Variants in PBX1 observed in about 807,000 individuals in gnomAD.
PBX1 encodes PBX homeobox 1, also known as pre-B-cell leukemia transcription factor 1.
PBX1 carries 6 observed loss-of-function variants against 53.4 expected under a neutral mutation model. The observed-to-expected ratio is 0.11, with a 90% CI of 0.06 to 0.22. The LOEUF (loss-of-function observed/expected upper bound fraction) is 0.22, where lower values mean the gene tolerates loss of function less well. Ranked by LOEUF, PBX1 falls within the 10% of genes least tolerant of loss-of-function variation. The pLI is 1.00. For missense variants in PBX1, 251 were observed against 551.4 expected, an observed-to-expected ratio of 0.46 and a Z score of 5.46; for synonymous variants, 204 against 212.3, an observed-to-expected ratio of 0.96 and a Z score of 0.34.
At chr1:164,727,263 A>G (rs1571296758) in intron 2 of PBX1, among the ~76,000 whole-genome samples, 1 of 152,236 alleles carries the variant, frequency 6.6e-6, no homozygotes, top group African/African-American at 2.4e-5. Flanking sequence ...TTATGATCTA[A>G]GAAAATCTCT....
chr1:164,724,900 T>C (rs1162015452), intron 2 of PBX1, among the ~76,000 whole-genome samples: 1 of 152,062 alleles, frequency 6.6e-6, no homozygotes, highest in East Asian at 1.9e-4. Flanking sequence ...TTACATAACT[T>C]GCGGAGTGTT....
intron 2 of PBX1, among the ~76,000 whole-genome samples, chr1:164,757,419 G>A (rs1290967554): frequency 6.6e-6 from 1 of 152,076 alleles, no homozygotes; most frequent in Non-Finnish European, 1.5e-5. Flanking sequence ...ACTCACTGAC[G>A]ATTCACATTT....
At chr1:164,750,966 C>G (rs1666179681) in intron 2 of PBX1, among the ~76,000 whole-genome samples, 1 of 152,058 alleles carries the variant, frequency 6.6e-6, no homozygotes, top group Non-Finnish European at 1.5e-5. Context: ...GTCTAGGGAT[C>G]CCCAACATTT....
chr1:164,561,460 G>T (rs1653038193), intron 1 of PBX1, among the ~76,000 whole-genome samples: 1 of 152,064 alleles, frequency 6.6e-6, no homozygotes, highest in African/African-American at 2.4e-5. Flanking sequence ...AAATTAATTG[G>T]TGCTCTCTTT....
intron 8 of PBX1, among the ~76,000 whole-genome samples, chr1:164,834,379 T>C (rs1441659976): frequency 1.3e-5 from 2 of 150,680 alleles, no homozygotes; most frequent in Non-Finnish European, 3.0e-5. Context: ...AGTCTCACTC[T>C]GTCACCCAGG....
At chr1:164,615,850 C>T (rs1177134938) in intron 2 of PBX1, among the ~76,000 whole-genome samples, 2 of 152,194 alleles carry the variant, frequency 1.3e-5, no homozygotes, top group Non-Finnish European at 2.9e-5. Flanking sequence ...TACAGGCCTT[C>T]TGTGAATGAC....
At chr1:164,733,600 T>A (rs1319854264) in intron 2 of PBX1, among the ~76,000 whole-genome samples, 1 of 152,198 alleles carries the variant, frequency 6.6e-6, no homozygotes, top group Non-Finnish European at 1.5e-5. Context: ...TACTATGTAG[T>A]ATGTTTTTGT....
At chr1:164,698,360 C>T (rs12143203) in intron 2 of PBX1, among the ~76,000 whole-genome samples, 64,646 of 151,932 alleles carry the variant, frequency 0.43, 14,637 homozygotes, top group Middle Eastern at 0.55. Flanking sequence ...CATATCAAAG[C>T]AATTTCGTAC....
At chr1:164,591,964 A>G (rs1485464179) in intron 2 of PBX1, among the ~76,000 whole-genome samples, 3 of 152,052 alleles carry the variant, frequency 2.0e-5, no homozygotes, top group African/African-American at 7.2e-5. Flanking sequence ...TAGACTTTCC[A>G]CCTCCCCTGT....
chr1:164,745,370 T>G (rs534815251), intron 2 of PBX1, among the ~76,000 whole-genome samples: 31 of 152,212 alleles, frequency 2.0e-4, no homozygotes, highest in Admixed American at 9.2e-4. Flanking sequence ...TCTATATAAC[T>G]GTTATAGATA....
At chr1:164,570,327 T>C (rs1557866026) in intron 2 of PBX1, among the ~76,000 whole-genome samples, 1 of 152,108 alleles carries the variant, frequency 6.6e-6, no homozygotes, top group Non-Finnish European at 1.5e-5. Flanking sequence ...TCATCTACAT[T>C]AGGTGTTTCT....
intron 2 of PBX1, among the ~76,000 whole-genome samples, chr1:164,743,247 C>T (rs771349262): frequency 3.3e-5 from 5 of 152,016 alleles, no homozygotes; most frequent in Non-Finnish European, 7.4e-5. Context: ...CTCTATTGGC[C>T]TGTTTTGTTC....
chr1:164,581,450 A>T (rs1432393029), intron 2 of PBX1, among the ~76,000 whole-genome samples: 1 of 150,962 alleles, frequency 6.6e-6, no homozygotes, highest in African/African-American at 2.4e-5. Flanking sequence ...CTGGTCTCAA[A>T]CTCCTGACCT....
chr1:164,647,846 G>T (rs111762955), intron 2 of PBX1, among the ~76,000 whole-genome samples: 3,717 of 138,688 alleles, frequency 0.027, 163 homozygotes, highest in African/African-American at 0.095. Context: ...ACAGAGTCTT[G>T]CTCAGTCGCC....
intron 2 of PBX1, among the ~76,000 whole-genome samples, chr1:164,696,961 C>G (rs566006891): frequency 6.6e-6 from 1 of 152,202 alleles, no homozygotes; most frequent in East Asian, 1.9e-4. Context: ...AATTTGTGTT[C>G]TATATCCTTT....
chr1:164,710,253 T>C (rs1663675965), intron 2 of PBX1, among the ~76,000 whole-genome samples: 1 of 152,174 alleles, frequency 6.6e-6, no homozygotes, highest in Non-Finnish European at 1.5e-5. Context: ...GGAATTTCTT[T>C]TAGATTCATA....
At position 164,847,946 on chromosome 1, in the gene PBX1, C is replaced by A; in HGVS notation, c.*1270C>A. The A allele has an allele frequency of 1.9e-6, 2 of 1,052,498 alleles. No homozygotes were observed. Among genetic ancestry groups the A allele is most frequent in the Non-Finnish European group, 2.3e-6 (2 of 871,276 alleles). The allele number at this position is 1,052,498 out of a possible 1,614,324, so 65.2% of individuals were successfully genotyped here. ...GAGCCCCATACAGTACTTACAATGTCTTTAATGGACTTGATTCTGTTTAAT... is the reference window on the plus strand; with the variant it reads ...GAGCCCCATACAGTACTTACAATGTATTTAATGGACTTGATTCTGTTTAAT... On this transcript the variant is annotated 3_prime_UTR_variant, in exon 9 of 9. Coordinates refer to ENST00000420696, the MANE Select transcript of PBX1 (RefSeq NM_002585.4).
intron 2 of PBX1, among the ~76,000 whole-genome samples, chr1:164,871,867 G>GGATTT (rs771457169): frequency 1.3e-5 from 2 of 151,952 alleles, no homozygotes; most frequent in Non-Finnish European, 2.9e-5. Context: ...CATAGCACAT[G>GGATTT]TTTAAACAAA....
chr1:164,592,271 A>G (rs1233301573), intron 2 of PBX1, among the ~76,000 whole-genome samples: 2 of 152,224 alleles, frequency 1.3e-5, no homozygotes, highest in Non-Finnish European at 2.9e-5. Flanking sequence ...GGTTCATCCC[A>G]GTATATGTCC....
Sources: gnomAD v4.1 joint callset for allele counts (sites outside exome capture counted in the v4.1 genomes callset) on GRCh38, gnomAD v4.1.1 for gene constraint, MANE v1.5 for transcripts, NCBI Gene and HGNC (gene_info 2026-07-23, HGNC 2026-07-21) for gene names.